The following RGS5 variants were observed in gnomAD, a reference collection of about 807,000 sequenced individuals.
RGS5 encodes the protein regulator of G-protein signalling 5.
Under a neutral mutation model 18.9 loss-of-function variants are expected in RGS5, and 20 were observed. That is an observed-to-expected ratio of 1.06 (90% CI 0.74 to 1.54). The LOEUF (loss-of-function observed/expected upper bound fraction) is 1.54. Ranked by LOEUF, RGS5 falls within the 40% of genes most tolerant of loss-of-function variation. The pLI is 0.00. For synonymous variants in RGS5, 57 were observed against 76.2 expected, an observed-to-expected ratio of 0.75 and a Z score of 1.31; for missense variants, 201 against 211.8, an observed-to-expected ratio of 0.95 and a Z score of 0.32.
intron 2 of RGS5, among the ~76,000 whole-genome samples, chr1:163,290,585 C>A (rs759629696): frequency 2.0e-5 from 3 of 150,918 alleles, no homozygotes; most frequent in Non-Finnish European, 4.4e-5. Context: ...ATTAATATCA[C>A]ATTTTCTCTC....
intron 2 of RGS5, among the ~76,000 whole-genome samples, chr1:163,226,615 T>G (rs943111130): frequency 6.6e-6 from 1 of 152,164 alleles, no homozygotes. Context: ...GCTTAATATA[T>G]TAGACAAAGA....
intron 2 of RGS5, among the ~76,000 whole-genome samples, chr1:163,250,900 C>A (rs1476997602): frequency 6.6e-6 from 1 of 152,090 alleles, no homozygotes; most frequent in Non-Finnish European, 1.5e-5. Flanking sequence ...GCACAGAGCT[C>A]AGTTATTGGA....
intron 1 of RGS5, among the ~76,000 whole-genome samples, chr1:163,172,337 GA>G (rs1658342107): frequency 6.6e-6 from 1 of 152,156 alleles, no homozygotes; most frequent in Non-Finnish European, 1.5e-5. Flanking sequence ...TACTATTTCA[GA>G]ATGCATTTTC....
intron 1 of RGS5, among the ~76,000 whole-genome samples, chr1:163,187,961 T>C (rs1036148737): frequency 5.9e-5 from 9 of 151,980 alleles, no homozygotes; most frequent in African/African-American, 2.2e-4. Context: ...AGTGCCGGAA[T>C]TGAACTGGAG....
At chr1:163,248,786 C>T (rs1258621981) in intron 2 of RGS5, 1 of 152,162 alleles carries the variant, frequency 6.6e-6, no homozygotes, top group Non-Finnish European at 1.5e-5. Flanking sequence ...CTTGGTGAAG[C>T]TGGATTTGAG....
intron 2 of RGS5, among the ~76,000 whole-genome samples, chr1:163,232,209 G>C (rs1042295317): frequency 3.9e-5 from 6 of 152,134 alleles, no homozygotes; most frequent in Admixed American, 1.3e-4. Context: ...AAGGCTAAGG[G>C]ATGAAGATTT....
intron 2 of RGS5, among the ~76,000 whole-genome samples, chr1:163,265,622 T>C (rs1210049003): frequency 6.6e-6 from 1 of 152,160 alleles, no homozygotes; most frequent in Non-Finnish European, 1.5e-5. Context: ...CAAAAGATTA[T>C]GTATTCTTTT....
intron 1 of RGS5, among the ~76,000 whole-genome samples, chr1:163,191,176 G>C (rs545087313): frequency 1.3e-5 from 2 of 152,098 alleles, no homozygotes; most frequent in African/African-American, 4.8e-5. Flanking sequence ...AGAGACTGCC[G>C]ATGGCTATGT....
At chr1:163,181,835 C>T (rs1304024586) in intron 1 of RGS5, among the ~76,000 whole-genome samples, 3 of 152,192 alleles carry the variant, frequency 2.0e-5, no homozygotes, top group South Asian at 4.2e-4. Context: ...ACCACAGCTC[C>T]GCACTGCTTG....
intron 2 of RGS5, among the ~76,000 whole-genome samples, chr1:163,163,809 G>A (rs1657914335): frequency 6.6e-6 from 1 of 152,148 alleles, no homozygotes; most frequent in African/African-American, 2.4e-5. Flanking sequence ...CAGAGCAAGA[G>A]GAAGGCTGAT....
intron 2 of RGS5, among the ~76,000 whole-genome samples, chr1:163,225,928 T>C (rs1001850789): frequency 6.6e-6 from 1 of 152,086 alleles, no homozygotes; most frequent in African/African-American, 2.4e-5. Context: ...AAGTAATTTT[T>C]TTTTTTTTTG....
chr1:163,243,643 C>CAAA (rs3069033), intron 2 of RGS5, among the ~76,000 whole-genome samples: 13,550 of 54,746 alleles, frequency 0.25, 2,556 homozygotes, highest in African/African-American at 0.28. Context: ...GACTCCGTCT[C>CAAA]AAAAAAAAAA....
chr1:163,199,067 GAAAAT>G (rs926565826), intron 1 of RGS5, among the ~76,000 whole-genome samples: 2 of 152,074 alleles, frequency 1.3e-5, no homozygotes, highest in Non-Finnish European at 2.9e-5. Flanking sequence ...AACAGACTCT[GAAAAT>G]AAAATAAATT....
chr1:163,296,955 C>T (rs1649437179), intron 2 of RGS5, among the ~76,000 whole-genome samples: 15 of 152,128 alleles, frequency 9.9e-5, no homozygotes, highest in Admixed American at 9.8e-4. Flanking sequence ...TTGCAAGAGT[C>T]TTTCTCCCTG....
intron 2 of RGS5, among the ~76,000 whole-genome samples, chr1:163,273,761 A>G (rs1159371762): frequency 6.6e-6 from 1 of 152,174 alleles, no homozygotes; most frequent in African/African-American, 2.4e-5. Flanking sequence ...TATTGAATAT[A>G]AGACATTTCA....
intron 2 of RGS5, among the ~76,000 whole-genome samples, chr1:163,271,658 T>C (rs560070881): frequency 6.6e-6 from 1 of 152,306 alleles, no homozygotes; most frequent in Admixed American, 6.5e-5. Context: ...AGTATTTTGT[T>C]GTTTGGACAC....
At chr1:163,218,802 C>T (rs996440864), upstream of RGS5, among the ~76,000 whole-genome samples, 1 of 152,038 alleles carries the variant, frequency 6.6e-6, no homozygotes, top group Non-Finnish European at 1.5e-5. Context: ...AAGAGATTGC[C>T]TCAGGATATT....
At chr1:163,239,935 T>C (rs1322573922) in intron 2 of RGS5, among the ~76,000 whole-genome samples, 2 of 152,228 alleles carry the variant, frequency 1.3e-5, no homozygotes, top group Non-Finnish European at 2.9e-5. Context: ...CTGGATTACT[T>C]TGTACAATGA....
chr1:163,202,726 G>A (rs1659824940), intron 1 of RGS5, 66 bp downstream of exon 1: 1 of 1,464,096 alleles, frequency 6.8e-7, no homozygotes, highest in South Asian at 1.2e-5. Context: ...TTACCACTGG[G>A]CAGCCTCCCT....
Sources: allele counts gnomAD v4.1 joint callset (sites outside exome capture counted in the v4.1 genomes callset), GRCh38; gene constraint gnomAD v4.1.1; transcripts MANE v1.5; gene names NCBI Gene and HGNC (gene_info 2026-07-23, HGNC 2026-07-21).